Variants in P2RY12 observed in about 807,000 individuals in gnomAD.
P2RY12 encodes purinergic receptor P2Y12, also known as P2Y purinoceptor 12.
A neutral mutation model predicts 4.5 loss-of-function variants in P2RY12; 3 were observed. The observed-to-expected ratio is 0.67, with a 90% CI of 0.31 to 1.74. The LOEUF is 1.74. P2RY12 is among the 40% of genes most tolerant of loss of function. The probability of loss-of-function intolerance (pLI) is 0.09; values close to 1 mark genes in which losing one functional copy is unlikely to be tolerated. For missense variants in P2RY12, 356 were observed against 407.8 expected, an observed-to-expected ratio of 0.87 and a Z score of 1.09; for synonymous variants, 148 against 154.1, an observed-to-expected ratio of 0.96 and a Z score of 0.29.
chr3:151,355,185 G>A, intron 1 of P2RY12: 1 of 1,613,966 alleles, frequency 6.2e-7, no homozygotes, highest in Non-Finnish European at 8.5e-7. Context: ...TGGAGACTGT[G>A]TTCACTAAAC....
intron 1 of P2RY12, chr3:151,360,466 C>A: frequency 6.2e-7 from 1 of 1,608,838 alleles, no homozygotes; most frequent in Non-Finnish European, 8.5e-7. Flanking sequence ...GTATATTTTT[C>A]TCCTCAGGTT....
chr3:151,338,187 T>A lies in P2RY12; in HGVS notation c.659A>T (p.Tyr220Phe). 6.2e-7 allele frequency: 1 copy of A among 1,614,114 alleles called. No homozygotes were observed. Among genetic ancestry groups the A allele is most frequent in the Non-Finnish European group, 8.5e-7 (1 of 1,179,994 alleles). ...TTTACCTACACCCCTCGTTCTTACG[T>A]ATGACCGGTACAGTTCTTTTGTAAT... ...TLITKELYRS[Y>F]VRTRGVGKVP... Residue 220 changes from tyrosine (Y) to phenylalanine (F), a missense_variant, in exon 3 of 3, where the codon TAC becomes TTC. Physicochemically the swap from Tyr to Phe is conservative, Grantham distance 22. Transcript: ENST00000302632.
At chr3:151,356,002 C>T in intron 1 of P2RY12, 1 of 1,613,862 alleles carries the variant, frequency 6.2e-7, no homozygotes, top group Non-Finnish European at 8.5e-7. Flanking sequence ...ATGGAGCCAG[C>T]ACTGAACATC....
chr3:151,367,780 C>T (rs376549148), intron 1 of P2RY12: 1 of 1,594,698 alleles, frequency 6.3e-7, no homozygotes, highest in Non-Finnish European at 8.6e-7. Flanking sequence ...AGGCAGCATC[C>T]ATGAACATCC....
At chr3:151,379,258 AG>A (rs1711782467) in intron 1 of P2RY12, among the ~76,000 whole-genome samples, 1 of 152,248 alleles carries the variant, frequency 6.6e-6, no homozygotes, top group East Asian at 1.9e-4. Flanking sequence ...TAGGCAGGAC[AG>A]ATGGTATTGA....
chr3:151,376,287 C>CT (rs1227854639), intron 1 of P2RY12: 2 of 1,171,088 alleles, frequency 1.7e-6, no homozygotes, highest in Non-Finnish European at 2.3e-6. Flanking sequence ...TACTTCCTCT[C>CT]TTTTTTTGTC....
intron 1 of P2RY12, among the ~76,000 whole-genome samples, chr3:151,361,648 T>C (rs10755105): frequency 0.66 from 100,056 of 152,028 alleles, 33,304 homozygotes; most frequent in African/African-American, 0.75. Flanking sequence ...ATCCAGAATT[T>C]GTATTGAATT....
At chr3:151,368,760 ATTT>A (rs201834162) in intron 1 of P2RY12, among the ~76,000 whole-genome samples, 13 of 80,262 alleles carry the variant, frequency 1.6e-4, no homozygotes, top group South Asian at 3.9e-4. Context: ...ATGTCATTTC[ATTT>A]TTTTTTTTTT....
intron 1 of P2RY12, among the ~76,000 whole-genome samples, chr3:151,344,152 C>T (rs770272012): frequency 6.6e-6 from 1 of 151,920 alleles, no homozygotes; most frequent in Non-Finnish European, 1.5e-5. Flanking sequence ...AAGTGTTCTG[C>T]TTGCAAGAAG....
chr3:151,381,460 T>C (rs755255943), intron 1 of P2RY12, among the ~76,000 whole-genome samples: 3 of 152,210 alleles, frequency 2.0e-5, no homozygotes, highest in Non-Finnish European at 4.4e-5. Flanking sequence ...ATGGCCCTCT[T>C]TCCTCCATGG....
At position 151,338,685 on chromosome 3, in the gene P2RY12, CG is replaced by C. The variant is rs1751376529; in HGVS notation, c.160del (p.Arg54GlyfsTer20). 2 of 1,613,360 alleles carry C rather than the reference CG, an allele frequency of 1.2e-6. No homozygotes were observed. The highest frequency in any genetic ancestry group is 1.7e-5 in the Admixed American group (1 of 59,828). On this transcript the variant is annotated frameshift_variant, in exon 3 of 3. Coordinates refer to ENST00000302632, the MANE Select transcript of P2RY12 (RefSeq NM_022788.5). LOFTEE classifies it high-confidence loss of function. ...AAAAATAATAAAGTTTGATTTACTC[CG>C]GATTTGAAAGAAAATCCTCATCGCC... ...GLAMRIFFQI[R>X]SKSNFIIFLK...
intron 1 of P2RY12, among the ~76,000 whole-genome samples, chr3:151,359,897 G>A (rs1754397897): frequency 6.6e-6 from 1 of 152,058 alleles, no homozygotes; most frequent in African/African-American, 2.4e-5. Flanking sequence ...GAGTTATACA[G>A]AATATTACAA....
chr3:151,380,454 G>A (rs749010452), intron 1 of P2RY12, among the ~76,000 whole-genome samples: 2 of 151,964 alleles, frequency 1.3e-5, no homozygotes, highest in African/African-American at 4.8e-5. Flanking sequence ...AAAATTAGCC[G>A]GGCATGATGG....
chr3:151,375,974 T>TATATATAC, intron 1 of P2RY12: 1 of 971,146 alleles, frequency 1.0e-6, no homozygotes, highest in Non-Finnish European at 1.5e-6. Flanking sequence ...ATATTGCATA[T>TATATATAC]ATATATACCG....
chr3:151,338,497 G>T lies in P2RY12; in HGVS notation c.349C>A (p.Leu117Met), dbSNP rs756504008. Residue 117 changes from leucine (L) to methionine (M), a missense_variant, in exon 3 of 3, where the codon CTG becomes ATG. By Grantham distance (15) the Leu-to-Met change is conservative (BLOSUM62 2). Transcript: ENST00000302632. ...TMYISISFLG[L>M]ITIDRYQKTT... is the part of the protein sequence containing the mutation. Reference sequence around the variant, plus strand: ...TTCTGGTAGCGATCGATAGTTATCAGTCCCAGGAATGAAATACTGATATAC... The same window carrying T: ...TTCTGGTAGCGATCGATAGTTATCATTCCCAGGAATGAAATACTGATATAC... 3 of 1,613,766 alleles carry T rather than the reference G, an allele frequency of 1.9e-6. No individual in the cohort carries two copies. Among genetic ancestry groups the T allele is most frequent in the Non-Finnish European group, 2.5e-6 (3 of 1,179,978 alleles).
At chr3:151,357,086 A>C in intron 1 of P2RY12, 1 of 860,504 alleles carries the variant, frequency 1.2e-6, no homozygotes, top group Non-Finnish European at 1.7e-6. Context: ...AAAAATTTTA[A>C]AAAAGTTAAA....
chr3:151,366,308 A>G (rs1008625246), intron 1 of P2RY12, among the ~76,000 whole-genome samples: 3 of 152,182 alleles, frequency 2.0e-5, no homozygotes, highest in Non-Finnish European at 4.4e-5. Context: ...CTTTTTACCA[A>G]CTGCCCTGGA....
chr3:151,355,313 T>G (rs1393571279), intron 1 of P2RY12: 3 of 934,956 alleles, frequency 3.2e-6, no homozygotes, highest in East Asian at 2.4e-5. Context: ...ATGCAGTATA[T>G]TTTCTCAACC....
intron 1 of P2RY12, among the ~76,000 whole-genome samples, chr3:151,345,400 A>G (rs1752401881): frequency 6.6e-6 from 1 of 152,164 alleles, no homozygotes; most frequent in South Asian, 2.1e-4. Context: ...AAGTTGAAAG[A>G]GCAGAAATCG....
Sources: allele counts gnomAD v4.1 joint callset (sites outside exome capture counted in the v4.1 genomes callset), GRCh38; gene constraint gnomAD v4.1.1; transcripts MANE v1.5; gene names NCBI Gene and HGNC (gene_info 2026-07-23, HGNC 2026-07-21).